Variants in RILPL1 observed in about 807,000 individuals in gnomAD.
The protein encoded by RILPL1 is Rab interacting lysosomal protein like 1, also known as RILP-like protein 1.
RILPL1 carries 33 observed loss-of-function variants against 50.3 expected under a neutral mutation model. The ratio of observed to expected loss-of-function variants is 0.66; its 90% CI spans 0.50 to 0.88. The LOEUF (loss-of-function observed/expected upper bound fraction) is 0.88. Among genes scored for constraint, RILPL1 ranks in the 40% least tolerant of loss-of-function variants. The probability of loss-of-function intolerance (pLI) is 0.00; values close to 1 mark genes in which losing one functional copy is unlikely to be tolerated. For missense variants in RILPL1, 418 were observed against 542.5 expected (o/e 0.77, Z 2.28); for synonymous variants, 205 against 228.6 (o/e 0.90, Z 0.93).
rs184645169 is a variant in RILPL1 at position 123,533,597 on chromosome 12, G to C, written c.-115C>G. On this transcript the variant is annotated 5_prime_UTR_variant, in exon 1 of 7. Coordinates refer to ENST00000376874, the MANE Select transcript of RILPL1 (RefSeq NM_178314.5). The surrounding 1 kb of genome is among the most constrained non-coding windows in gnomAD (Gnocchi z 6.2). Reference sequence around the variant, plus strand: ...TGGGCCGCGGGCGGGCGCGCTCAGCGGGCGCTGGGGCGAGGGCGCAGCGGG... The same window carrying C: ...TGGGCCGCGGGCGGGCGCGCTCAGCCGGCGCTGGGGCGAGGGCGCAGCGGG... 0.19 allele frequency: 156,518 copies of C among 826,024 alleles called. 14,906 individuals carry two copies. Among genetic ancestry groups the C allele is most frequent in the Middle Eastern group, 0.24 (479 of 2,024 alleles). 51.2% of individuals were successfully genotyped at this position (826,024 alleles called of 1,614,324 possible).
At chr12:123,519,653 CCAGG>C (rs1884917842) in intron 2 of RILPL1, 1 of 152,306 alleles carries the variant, frequency 6.6e-6, no homozygotes, top group African/African-American at 2.4e-5. Context: ...CCTGTCTGTC[CCAGG>C]TCTGTTCCCC....
intron 4 of RILPL1, among the ~76,000 whole-genome samples, chr12:123,494,137 C>A (rs1427455723): frequency 6.6e-6 from 1 of 152,202 alleles, no homozygotes; most frequent in Non-Finnish European, 1.5e-5. Flanking sequence ...ATACTCCTCT[C>A]TCCCAGCTGC....
chr12:123,526,007 TA>T (rs1160686999), intron 1 of RILPL1, among the ~76,000 whole-genome samples: 1 of 152,098 alleles, frequency 6.6e-6, no homozygotes, highest in East Asian at 1.9e-4. Context: ...GTTGTCTGTA[TA>T]AAACAGTGGT....
intron 2 of RILPL1, among the ~76,000 whole-genome samples, chr12:123,521,001 C>G (rs1198888825): frequency 6.6e-6 from 1 of 152,194 alleles, no homozygotes; most frequent in Non-Finnish European, 1.5e-5. Context: ...TTCAGCTGAT[C>G]TGGGTTCACT....
At chr12:123,528,485 T>C (rs1206146074) in intron 1 of RILPL1, among the ~76,000 whole-genome samples, 1 of 150,656 alleles carries the variant, frequency 6.6e-6, no homozygotes, top group Non-Finnish European at 1.5e-5. Context: ...TGGAGTGCAG[T>C]GGTGCGATCT....
intron 2 of RILPL1, among the ~76,000 whole-genome samples, chr12:123,521,614 TATGTG>T (rs1885031996): frequency 4.6e-5 from 1 of 21,906 alleles, no homozygotes; most frequent in Non-Finnish European, 8.8e-5. Flanking sequence ...TATACACACA[TATGTG>T]TATATATATA....
intron 1 of RILPL1, among the ~76,000 whole-genome samples, chr12:123,528,889 G>T (rs1228985586): frequency 1.3e-5 from 2 of 152,014 alleles, no homozygotes; most frequent in Non-Finnish European, 2.9e-5. Context: ...TACCAGCCCA[G>T]TGGTTCTCCG....
At chr12:123,477,465 A>G (rs1023387938) in intron 6 of RILPL1, among the ~76,000 whole-genome samples, 1 of 148,692 alleles carries the variant, frequency 6.7e-6, no homozygotes, top group African/African-American at 2.5e-5. Flanking sequence ...CAGCCTCCCC[A>G]GTAGCTGGGA....
At chr12:123,496,100 C>T (rs991327551) in intron 4 of RILPL1, among the ~76,000 whole-genome samples, 1 of 151,970 alleles carries the variant, frequency 6.6e-6, no homozygotes, top group South Asian at 2.1e-4. Flanking sequence ...ACAACCTCCA[C>T]GTCCCGGGTT....
chr12:123,533,054 T>A lies in RILPL1; in HGVS notation c.309+120A>T. 1 of 1,083,296 alleles carries A rather than the reference T, an allele frequency of 9.2e-7. No individual in the cohort carries two copies. The highest frequency in any genetic ancestry group is 1.3e-6 in the Non-Finnish European group (1 of 781,842). 67.1% of individuals were successfully genotyped at this position (1,083,296 alleles called of 1,614,324 possible). A position where few individuals can be genotyped will look rare whatever the true frequency, so the allele number is the denominator to read the frequency against. Reference sequence around the variant, plus strand: ...GGCCTCCCTCCCTCCCCACGTCGGGTCTCCTCTGGTCCGGTCCCTGAACAC... The same window carrying A: ...GGCCTCCCTCCCTCCCCACGTCGGGACTCCTCTGGTCCGGTCCCTGAACAC... On this transcript the variant is annotated intron_variant, in intron 1 of 6. Coordinates refer to ENST00000376874, the MANE Select transcript of RILPL1 (RefSeq NM_178314.5). This position sits in a 1 kb window ranked among gnomAD's most constrained non-coding sequence, Gnocchi z 6.2.
At chr12:123,473,711 T>TA (rs1165383933) in intron 6 of RILPL1, 3 of 152,010 alleles carry the variant, frequency 2.0e-5, no homozygotes, top group East Asian at 3.9e-4. Context: ...GAGGTCTTTT[T>TA]AAAACAGCTG....
chr12:123,521,659 A>ACG (rs1885048611), intron 2 of RILPL1, among the ~76,000 whole-genome samples: 1 of 12,118 alleles, frequency 8.3e-5, no homozygotes, highest in African/African-American at 1.8e-4. Context: ...ATACACATAT[A>ACG]TGTATATATA....
intron 1 of RILPL1, among the ~76,000 whole-genome samples, chr12:123,529,978 G>A (rs1458640088): frequency 1.3e-5 from 2 of 151,914 alleles, no homozygotes; most frequent in African/African-American, 4.8e-5. Flanking sequence ...TTGAGCATTT[G>A]ACATGTGGCT....
rs200326661 is a variant in RILPL1 at position 123,512,849 on chromosome 12, G to A, written c.460+10646C>T. Among the ~76,000 whole-genome samples, 18 of 145,562 alleles carry A rather than the reference G, an allele frequency of 1.2e-4. No individual in the cohort carries two copies. The East Asian group carries it at 3.8e-3, about 31-fold the overall frequency. On this transcript the variant is annotated intron_variant, in intron 2 of 6. Transcript: ENST00000376874. ...TGTGAGGTCTGTGTGTGCTGTGTGA[G>A]GTTTGTGTGTGTGTGGTGTGTGAGG...
intron 6 of RILPL1, among the ~76,000 whole-genome samples, chr12:123,478,720 T>C (rs1392946410): frequency 6.6e-6 from 1 of 152,046 alleles, no homozygotes; most frequent in Non-Finnish European, 1.5e-5. Flanking sequence ...CCCCCCTCTA[T>C]ACCCACCTGT....
In RILPL1 at chr12:123,485,002, A is replaced by G; in HGVS notation, c.974+631T>C. ...CCAGTATACAGTCAGTAAACCTTTCAATAAAAATGTGTGGTATTATATTTT... is the reference window on the plus strand; with the variant it reads ...CCAGTATACAGTCAGTAAACCTTTCGATAAAAATGTGTGGTATTATATTTT... On this transcript the variant is annotated intron_variant, in intron 5 of 6. Transcript: ENST00000376874. This position sits in a 1 kb window ranked among gnomAD's most constrained non-coding sequence, Gnocchi z 4.0. 1 of 384,504 alleles carries G rather than the reference A, an allele frequency of 2.6e-6. No homozygotes were observed. The highest frequency in any genetic ancestry group is 5.3e-6 in the Non-Finnish European group (1 of 190,244). The allele number at this position is 384,504 out of a possible 1,614,324, so 23.8% of individuals were successfully genotyped here.
Position 123,472,446 on chromosome 12 carries a change from G to C in RILPL1, c.*92C>G. On this transcript the variant is annotated 3_prime_UTR_variant, in exon 7 of 7. Transcript: ENST00000376874. ...AGTTTTCAGGGTGCATCTGCACCGA[G>C]AGGCTTGAGGCAGCAATGACCCCTG... 7.1e-7 allele frequency: 1 copy of C among 1,411,146 alleles called. No individual in the cohort carries two copies. The highest frequency in any genetic ancestry group is 1.3e-5 in the South Asian group (1 of 78,838). 87.4% of individuals were successfully genotyped at this position (1,411,146 alleles called of 1,614,324 possible).
intron 6 of RILPL1, chr12:123,475,695 TG>T (rs1881540290): frequency 6.3e-7 from 1 of 1,594,070 alleles, no homozygotes. Context: ...GGCTGCAGTG[TG>T]GGGTCATCTA....
At chr12:123,528,927 C>T (rs1885358899) in intron 1 of RILPL1, among the ~76,000 whole-genome samples, 1 of 152,114 alleles carries the variant, frequency 6.6e-6, no homozygotes, top group South Asian at 2.1e-4. Flanking sequence ...CAATCATCTC[C>T]TTCACGTTCT....
Sources: gnomAD v4.1 joint callset for allele counts (sites outside exome capture counted in the v4.1 genomes callset) on GRCh38, gnomAD v4.1.1 for gene constraint, Gnocchi (gnomAD v3.1) non-coding constraint, MANE v1.5 for transcripts, NCBI Gene and HGNC (gene_info 2026-07-23, HGNC 2026-07-21) for gene names.